ERC2: variants seen among roughly 807,000 people sequenced by gnomAD.
ERC2 encodes the protein ERC protein 2.
Under a neutral mutation model 114.8 loss-of-function variants are expected in ERC2, and 42 were observed. The observed-to-expected ratio is 0.37, with a 90% CI of 0.29 to 0.47. The LOEUF (loss-of-function observed/expected upper bound fraction) is 0.47, where lower values mean the gene tolerates loss of function less well. Ranked by LOEUF, ERC2 falls within the 20% of genes least tolerant of loss-of-function variation. The pLI is 0.99. For missense variants in ERC2, 939 were observed against 1,150.7 expected (o/e 0.82, Z 2.66); for synonymous variants, 454 against 425.5 (o/e 1.07, Z -0.82).
rs1264376228 is a variant in ERC2, at chr3:55,959,737, G to A, written c.2268-9177C>T. 2.0e-5 allele frequency among the ~76,000 whole-genome samples: 3 copies of A among 152,200 alleles called. No homozygotes were observed. In the East Asian group the frequency reaches 5.8e-4, roughly 29 times the overall value. On this transcript the variant is annotated intron_variant, in intron 12 of 17. Transcript: ENST00000288221. ...CCAGAGAGCACAGGGTGGTCATGTA[G>A]GGCTGAGAATAGTGGCCCTGGGATG...
In ERC2 at chr3:55,950,649, C is replaced by G. The variant is rs911851930; in HGVS notation, c.2268-89G>C. ...AGATTCAGGAAGTACTAAGTATAGG[C>G]TATCTGGATAAGGGCTTGGGAAAAA... On this transcript the variant is annotated intron_variant, in intron 12 of 17. Transcript: ENST00000288221. The G allele has an allele frequency of 2.2e-5, 31 of 1,414,920 alleles. No individual in the cohort carries two copies. In the Middle Eastern group the frequency reaches 7.2e-4, roughly 33 times the overall value. The allele number at this position is 1,414,920 out of a possible 1,614,324, so 87.6% of individuals were successfully genotyped here. A position where few individuals can be genotyped will look rare whatever the true frequency, so the allele number is the denominator to read the frequency against.
chr3:56,152,256 T>G (rs1453957571), intron 4 of ERC2, among the ~76,000 whole-genome samples: 1 of 152,180 alleles, frequency 6.6e-6, no homozygotes, highest in East Asian at 1.9e-4. Flanking sequence ...TAATTTTATT[T>G]ATCACAGTAT....
chr3:55,762,981 A>T (rs1269947451), intron 14 of ERC2, among the ~76,000 whole-genome samples: 1 of 149,604 alleles, frequency 6.7e-6, no homozygotes, highest in Non-Finnish European at 1.5e-5. Flanking sequence ...CCACATGTAC[A>T]TTACAATCTA....
chr3:56,278,247 A>T (rs1489484285), intron 3 of ERC2, among the ~76,000 whole-genome samples: 1 of 152,210 alleles, frequency 6.6e-6, no homozygotes, highest in Non-Finnish European at 1.5e-5. Context: ...ACCTAGCAAC[A>T]TCATTAACTC....
intron 17 of ERC2, among the ~76,000 whole-genome samples, chr3:55,582,321 AATAGGTATTT>A (rs1239812973): frequency 1.3e-5 from 2 of 152,148 alleles, no homozygotes; most frequent in Non-Finnish European, 2.9e-5. Flanking sequence ...TACTCAATAC[AATAGGTATTT>A]ATAGTTGGAT....
chr3:56,327,206 T>C (rs1475658064), intron 2 of ERC2, among the ~76,000 whole-genome samples: 1 of 152,230 alleles, frequency 6.6e-6, no homozygotes, highest in African/African-American at 2.4e-5. Flanking sequence ...CAGTTTAGCA[T>C]GGCAGGAGAA....
At chr3:56,041,369 T>C (rs987696445) in intron 7 of ERC2, among the ~76,000 whole-genome samples, 2 of 152,062 alleles carry the variant, frequency 1.3e-5, no homozygotes, top group African/African-American at 4.8e-5. Flanking sequence ...TTGGGGCTGG[T>C]GATAGATTGA....
chr3:56,435,793 G>C (rs2061991404), intron 1 of ERC2, among the ~76,000 whole-genome samples: 1 of 152,202 alleles, frequency 6.6e-6, no homozygotes, highest in South Asian at 2.1e-4. Context: ...AAGAAAAAGA[G>C]GTAGCTCAAC....
chr3:55,630,311 A>G (rs2059697800), intron 17 of ERC2, among the ~76,000 whole-genome samples: 1 of 152,140 alleles, frequency 6.6e-6, no homozygotes, highest in African/African-American at 2.4e-5. Flanking sequence ...CTGGAATTAC[A>G]GGCGTGCACC....
At chr3:56,240,839 A>G (rs1274977643) in intron 3 of ERC2, among the ~76,000 whole-genome samples, 1 of 152,212 alleles carries the variant, frequency 6.6e-6, no homozygotes, top group Non-Finnish European at 1.5e-5. Context: ...AAATTTTTTT[A>G]TATATTCAGG....
At chr3:55,805,134 C>T (rs1317050317) in intron 14 of ERC2, among the ~76,000 whole-genome samples, 3 of 151,990 alleles carry the variant, frequency 2.0e-5, no homozygotes, top group Admixed American at 6.5e-5. Flanking sequence ...TGCCAATGCT[C>T]CTCTAGACAC....
At chr3:56,466,184 T>C (rs2063537916) in intron 1 of ERC2, among the ~76,000 whole-genome samples, 1 of 152,250 alleles carries the variant, frequency 6.6e-6, no homozygotes, top group Admixed American at 6.5e-5. Flanking sequence ...ATAGTAATAG[T>C]AATAATACTG....
At chr3:55,685,548 T>A (rs1000810788) in intron 16 of ERC2, among the ~76,000 whole-genome samples, 2 of 152,200 alleles carry the variant, frequency 1.3e-5, no homozygotes, top group African/African-American at 4.8e-5. Context: ...TTCATCTTCA[T>A]GAAGGAGGGA....
intron 12 of ERC2, among the ~76,000 whole-genome samples, chr3:55,973,964 T>C (rs1443902939): frequency 6.6e-6 from 1 of 151,984 alleles, no homozygotes; most frequent in African/African-American, 2.4e-5. Context: ...TAGAAAACTA[T>C]ATAAAAGTAA....
chr3:55,949,238 C>T lies in ERC2; in HGVS notation c.2403+1187G>A, dbSNP rs368278821. Among the ~76,000 whole-genome samples the T allele has an allele frequency of 5.3e-5, 8 of 152,124 alleles. No homozygotes were observed. The East Asian group carries it at 5.8e-4, about 11-fold the overall frequency. Reference sequence around the variant, plus strand: ...CAAAAAAAATAGCGGGGCATGGTGGCGGGAGCCTGTAGTCCCAGCTACTCG... The same window carrying T: ...CAAAAAAAATAGCGGGGCATGGTGGTGGGAGCCTGTAGTCCCAGCTACTCG... On this transcript the variant is annotated intron_variant, in intron 13 of 17. Transcript: ENST00000288221.
chr3:55,898,032 A>T (rs2063925508), intron 13 of ERC2, among the ~76,000 whole-genome samples: 1 of 152,204 alleles, frequency 6.6e-6, no homozygotes, highest in Non-Finnish European at 1.5e-5. Flanking sequence ...AACGTTTCAC[A>T]TTCTCCCTTT....
chr3:55,548,133 C>T (rs2054889717), intron 17 of ERC2, among the ~76,000 whole-genome samples: 1 of 152,220 alleles, frequency 6.6e-6, no homozygotes, highest in African/African-American at 2.4e-5. Context: ...TTTAGATGCA[C>T]TTGTTGAATG....
Position 56,434,790 on chromosome 3 carries a change from G to T in ERC2, c.218C>A (p.Thr73Lys). The stretch of plus-strand genomic sequence containing the variant: ...AGTCATAGTGCCCTTTGGGTAGGTT[G>T]TTGAAGCCACCCCTTCATGATCACT... ...YLSDHEGVAS[T>K]TYPKGTMTLG... is the part of the protein sequence containing the mutation. Residue 73 changes from threonine (T) to lysine (K), a missense_variant, in exon 2 of 18, where the codon ACA becomes AAA. Physicochemically the swap from Thr to Lys is moderately conservative, Grantham distance 78. Transcript: ENST00000288221. 1 of 1,613,950 alleles carries T rather than the reference G, an allele frequency of 6.2e-7. No individual in the cohort carries two copies. The highest frequency in any genetic ancestry group is 8.5e-7 in the Non-Finnish European group (1 of 1,179,878).
chr3:56,374,694 T>C (rs895903982), intron 2 of ERC2, among the ~76,000 whole-genome samples: 1 of 152,172 alleles, frequency 6.6e-6, no homozygotes, highest in African/African-American at 2.4e-5. Context: ...CCCACTATTA[T>C]GTCATCCTCA....
Sources: allele counts gnomAD v4.1 joint callset (sites outside exome capture counted in the v4.1 genomes callset), GRCh38; gene constraint gnomAD v4.1.1; transcripts MANE v1.5; gene names NCBI Gene and HGNC (gene_info 2026-07-23, HGNC 2026-07-21).